CCDC88A: variants seen among roughly 807,000 people sequenced by gnomAD.
CCDC88A encodes the protein coiled-coil and HOOK domain protein 88A.
In CCDC88A, 54 loss-of-function variants were observed where a neutral mutation model predicts 234.3. That is an observed-to-expected ratio of 0.23 (90% confidence interval 0.19 to 0.29). The LOEUF is 0.29. CCDC88A is among the 10% of genes least tolerant of loss of function. CCDC88A has a pLI of 1.00. For missense variants in CCDC88A, 1,832 were observed against 2,123.4 expected, an observed-to-expected ratio of 0.86 and a Z score of 2.70; for synonymous variants, 753 against 737.8, an observed-to-expected ratio of 1.02 and a Z score of -0.33.
rs542099441 is a variant in CCDC88A at position 55,320,658 on chromosome 2, CAATA to C, written c.3163-1658_3163-1655del. ...TTAAAAATAGGCATTTATAAATGGCCAATAAATATATGAAAGATGTGTAATACCT... is the reference window on the plus strand; with the variant it reads ...TTAAAAATAGGCATTTATAAATGGCCAATATATGAAAGATGTGTAATACCT... On this transcript the variant is annotated intron_variant, in intron 18 of 32. Transcript: ENST00000436346. Among the ~76,000 whole-genome samples, 313 of 152,020 alleles carry C rather than the reference CAATA, an allele frequency of 2.1e-3. 5 individuals are homozygous for C. The highest frequency in any genetic ancestry group is 7.1e-3 in the African/African-American group (294 of 41,438).
At chr2:55,299,054 A>T (rs1210464219) in intron 29 of CCDC88A, among the ~76,000 whole-genome samples, 1 of 152,016 alleles carries the variant, frequency 6.6e-6, no homozygotes, top group Non-Finnish European at 1.5e-5. Flanking sequence ...ACAAAAAATT[A>T]GCTGGGTGTG....
chr2:55,393,137 C>T (rs2104909827), intron 2 of CCDC88A, among the ~76,000 whole-genome samples: 1 of 151,918 alleles, frequency 6.6e-6, no homozygotes, highest in South Asian at 2.1e-4. Context: ...ATTTTAAAAT[C>T]TCCCCACAGA....
intron 3 of CCDC88A, among the ~76,000 whole-genome samples, chr2:55,384,239 A>C (rs1302610441): frequency 3.3e-5 from 5 of 151,150 alleles, no homozygotes; most frequent in African/African-American, 9.7e-5. Context: ...ATAAGGAAAA[A>C]AAAAATCCAG....
chr2:55,302,122 C>A (rs1211782962), intron 26 of CCDC88A, 50 bp from the exon 27 acceptor site: 9 of 1,442,146 alleles, frequency 6.2e-6, no homozygotes, highest in South Asian at 1.2e-5. Context: ...TGTATTTGTT[C>A]TTATTTCTAT....
chr2:55,389,610 C>T (rs2104895628), intron 2 of CCDC88A, among the ~76,000 whole-genome samples: 1 of 152,296 alleles, frequency 6.6e-6, no homozygotes, highest in East Asian at 1.9e-4. Context: ...CTTCCCTAAA[C>T]AGATTAGAAT....
intron 21 of CCDC88A, among the ~76,000 whole-genome samples, chr2:55,316,361 A>G (rs1310689404): frequency 6.6e-6 from 1 of 152,144 alleles, no homozygotes; most frequent in African/African-American, 2.4e-5. Context: ...CACACTGGGA[A>G]AAGAATTTTT....
rs1205884070 is a variant in CCDC88A, at chr2:55,364,038, A to T, written c.403-5T>A. The stretch of plus-strand genomic sequence containing the variant: ...AAATTCCTCTTTTTTCTGACACTAA[A>T]ATAAATGAATAAAATAGTTATTCAT... On this transcript the variant is annotated splice_polypyrimidine_tract_variant and splice_region_variant and intron_variant, in intron 5 of 32. Coordinates refer to ENST00000436346, the MANE Select transcript of CCDC88A (RefSeq NM_001365480.1). 2 of 1,347,988 alleles carry T rather than the reference A, an allele frequency of 1.5e-6. No individual in the cohort carries two copies. Among genetic ancestry groups the T allele is most frequent in the African/African-American group, 2.9e-5 (2 of 69,488 alleles). The allele number at this position is 1,347,988 out of a possible 1,614,324, so 83.5% of individuals were successfully genotyped here.
chr2:55,293,535 G>A (rs1679682305), intron 31 of CCDC88A: 1 of 150,438 alleles, frequency 6.6e-6, no homozygotes, highest in Non-Finnish European at 1.5e-5. Flanking sequence ...AAAAAAGTGT[G>A]ATTACAAAGG....
At chr2:55,375,639 C>T (rs570210125) in intron 3 of CCDC88A, among the ~76,000 whole-genome samples, 9 of 151,154 alleles carry the variant, frequency 6.0e-5, no homozygotes, top group South Asian at 4.2e-4. Context: ...GCAATCCTCC[C>T]GCCTCAGCCT....
At chr2:55,333,664 G>A (rs185626852) in intron 15 of CCDC88A, among the ~76,000 whole-genome samples, 1 of 152,152 alleles carries the variant, frequency 6.6e-6, no homozygotes, top group Admixed American at 6.5e-5. Context: ...ATGTATATAT[G>A]TGTGTATATA....
chr2:55,415,332 A>C (rs748798209), intron 2 of CCDC88A, among the ~76,000 whole-genome samples: 1 of 152,102 alleles, frequency 6.6e-6, no homozygotes, highest in Admixed American at 6.6e-5. Context: ...GTATACAAAC[A>C]TATTTCTACT....
In CCDC88A at chr2:55,335,556, C is replaced by T. The variant is rs2576715; in HGVS notation, c.1657-392G>A. Among the ~76,000 whole-genome samples the T allele has an allele frequency of 0.44, 67,529 of 151,968 alleles. 16,409 individuals carry two copies. The highest frequency in any genetic ancestry group is 0.85 in the East Asian group (4,398 of 5,172). On this transcript the variant is annotated intron_variant, in intron 14 of 32. Coordinates refer to ENST00000436346, the MANE Select transcript of CCDC88A (RefSeq NM_001365480.1). The surrounding 1 kb of genome is among the most constrained non-coding windows in gnomAD (Gnocchi z 4.5). ...TAAGGTTCTACTTTTACTAAGTAAC[C>T]TTTGCAATGCCTACAGTGGGTCCTC...
chr2:55,343,373 A>G (rs936101337), intron 12 of CCDC88A, among the ~76,000 whole-genome samples: 2 of 152,128 alleles, frequency 1.3e-5, no homozygotes, highest in African/African-American at 4.8e-5. Context: ...ACATTAATAA[A>G]CTGATATTGC....
At chr2:55,409,231 C>T (rs916114478) in intron 2 of CCDC88A, among the ~76,000 whole-genome samples, 1 of 152,154 alleles carries the variant, frequency 6.6e-6, no homozygotes, top group Non-Finnish European at 1.5e-5. Flanking sequence ...ATTCCTCCAC[C>T]GTTATTTACA....
In CCDC88A at chr2:55,370,743, C is replaced by G. The variant is rs949363164; in HGVS notation, c.402+1709G>C. 3.3e-5 allele frequency among the ~76,000 whole-genome samples: 5 copies of G among 150,004 alleles called. No individual in the cohort carries two copies. The East Asian group carries it at 9.8e-4, about 29-fold the overall frequency. On this transcript the variant is annotated intron_variant, in intron 5 of 32. Transcript: ENST00000436346. ...CCCTTTGGGGCCAGGCAGGGTGGCT[C>G]ATGCCTGTAATCCCAGTACTTTGGG...
intron 9 of CCDC88A, among the ~76,000 whole-genome samples, chr2:55,346,757 T>C (rs976530749): frequency 2.0e-5 from 3 of 152,224 alleles, no homozygotes; most frequent in Non-Finnish European, 2.9e-5. Flanking sequence ...GTACATACTT[T>C]AAAATGGTGA....
At chr2:55,304,936 C>CTTA (rs1681356840) in intron 25 of CCDC88A, among the ~76,000 whole-genome samples, 1 of 152,186 alleles carries the variant, frequency 6.6e-6, no homozygotes, top group South Asian at 2.1e-4. Flanking sequence ...GACAAACTAA[C>CTTA]AAGTATCATT....
intron 3 of CCDC88A, among the ~76,000 whole-genome samples, chr2:55,386,675 T>C (rs939610817): frequency 3.3e-5 from 5 of 151,214 alleles, no homozygotes; most frequent in Non-Finnish European, 5.9e-5. Context: ...TTTCGCCATG[T>C]TGGACAGGCT....
At chr2:55,404,353 G>A (rs1679202407) in intron 2 of CCDC88A, 1 of 152,076 alleles carries the variant, frequency 6.6e-6, no homozygotes, top group Non-Finnish European at 1.5e-5. Flanking sequence ...ACAACTCTAA[G>A]TATATAAATT....
Sources: allele counts gnomAD v4.1 joint callset (sites outside exome capture counted in the v4.1 genomes callset), GRCh38; gene constraint gnomAD v4.1.1; non-coding constraint Gnocchi (gnomAD v3.1); transcripts MANE v1.5; gene names NCBI Gene and HGNC (gene_info 2026-07-23, HGNC 2026-07-21).